WIPF2: variants seen among roughly 807,000 people sequenced by gnomAD.
WIPF2 encodes WAS/WASL interacting protein family member 2.
Under a neutral mutation model 38.8 loss-of-function variants are expected in WIPF2, and 23 were observed. That is an observed-to-expected ratio of 0.59 (90% CI 0.43 to 0.84). The LOEUF is 0.84. Among genes scored for constraint, WIPF2 ranks in the 40% least tolerant of loss-of-function variants. The probability of loss-of-function intolerance (pLI) is 0.00; values close to 1 mark genes in which losing one functional copy is unlikely to be tolerated. For synonymous variants in WIPF2, 210 were observed against 223.2 expected (o/e 0.94, Z 0.53); for missense variants, 574 against 580.5 (o/e 0.99, Z 0.11).
At chr17:40,224,503 C>T (rs1014608973) in intron 1 of WIPF2, among the ~76,000 whole-genome samples, 1 of 150,200 alleles carries the variant, frequency 6.7e-6, no homozygotes, top group African/African-American at 2.5e-5. Context: ...GCCTCGGCCT[C>T]CCAAAGTGCT....
intron 1 of WIPF2, among the ~76,000 whole-genome samples, chr17:40,230,849 A>T (rs2030710998): frequency 6.6e-6 from 1 of 152,212 alleles, no homozygotes; most frequent in African/African-American, 2.4e-5. Context: ...ACCGATGAAT[A>T]TACTGTCATA....
intron 1 of WIPF2, among the ~76,000 whole-genome samples, chr17:40,227,814 A>C (rs2030555248): frequency 6.6e-6 from 1 of 151,902 alleles, no homozygotes. Flanking sequence ...GTGCCACTGC[A>C]CTCCAGCCTG....
intron 3 of WIPF2, among the ~76,000 whole-genome samples, chr17:40,261,686 T>TG (rs796091572): frequency 0.012 from 1,765 of 148,902 alleles, 33 homozygotes; most frequent in African/African-American, 0.04. Flanking sequence ...TTTTTGGTTT[T>TG]TTTTGTTTTT....
At chr17:40,250,416 T>A (rs1300571301) in intron 1 of WIPF2, among the ~76,000 whole-genome samples, 1 of 139,596 alleles carries the variant, frequency 7.2e-6, no homozygotes, top group South Asian at 2.3e-4. Flanking sequence ...ATTTTTGTAT[T>A]TTTTTTTTTT....
intron 7 of WIPF2, among the ~76,000 whole-genome samples, 198 bp from the exon 8 acceptor site, chr17:40,277,987 A>G (rs1431616733): frequency 6.6e-6 from 1 of 152,072 alleles, no homozygotes; most frequent in Non-Finnish European, 1.5e-5. Context: ...CGGCCTCCCA[A>G]AGTGCTGGGA....
At chr17:40,251,037 C>T (rs2031546730) in intron 1 of WIPF2, among the ~76,000 whole-genome samples, 2 of 151,392 alleles carry the variant, frequency 1.3e-5, no homozygotes, top group Admixed American at 1.3e-4. Flanking sequence ...CCTCAGCCTC[C>T]CGAGTAGCTG....
intron 7 of WIPF2, 22 bp downstream of exon 7, chr17:40,277,206 T>C: frequency 3.6e-5 from 50 of 1,406,398 alleles, no homozygotes; most frequent in Non-Finnish European, 4.9e-5. Context: ...AATAAGAAGG[T>C]TTTTCCATAA....
At chr17:40,254,686 A>G (rs1261079543) in intron 1 of WIPF2, among the ~76,000 whole-genome samples, 1 of 151,976 alleles carries the variant, frequency 6.6e-6, no homozygotes, top group Non-Finnish European at 1.5e-5. Flanking sequence ...CATAAGTCAG[A>G]TCTGGTCTAC....
At chr17:40,277,301 C>G in intron 7 of WIPF2, 117 bp downstream of exon 7, 1 of 833,820 alleles carries the variant, frequency 1.2e-6, no homozygotes. Context: ...ATAATCCCAG[C>G]ACTTTGGGAG....
chr17:40,240,034 G>C (rs1265126094), intron 1 of WIPF2, among the ~76,000 whole-genome samples: 1 of 151,408 alleles, frequency 6.6e-6, no homozygotes, highest in Non-Finnish European at 1.5e-5. Flanking sequence ...AGCATGGGGA[G>C]GGATGGAGGA....
intron 1 of WIPF2, among the ~76,000 whole-genome samples, chr17:40,245,876 G>A (rs559472286): frequency 6.0e-4 from 91 of 152,286 alleles, no homozygotes; most frequent in African/African-American, 2.0e-3. Context: ...AAGTGGTTAA[G>A]TTGTGGATAC....
intron 1 of WIPF2, among the ~76,000 whole-genome samples, chr17:40,250,799 G>A (rs1455388376): frequency 6.6e-6 from 1 of 151,886 alleles, no homozygotes; most frequent in African/African-American, 2.4e-5. Context: ...GCACGTGGTG[G>A]TGCTCACTTG....
chr17:40,263,218 G>A (rs2031969534), intron 4 of WIPF2, among the ~76,000 whole-genome samples: 2 of 152,094 alleles, frequency 1.3e-5, no homozygotes, highest in Admixed American at 1.3e-4. Context: ...TGGTGGGCGG[G>A]GGATGGTTTC....
At chr17:40,242,923 G>A (rs373104757) in intron 1 of WIPF2, among the ~76,000 whole-genome samples, 15 of 152,274 alleles carry the variant, frequency 9.9e-5, no homozygotes, top group East Asian at 9.6e-4. Flanking sequence ...GGGGTTGGGC[G>A]TGAGGTCATT....
rs146326674 is a variant in WIPF2 at position 40,242,583 on chromosome 17, G to A, written c.-69-13808G>A. ...CCTGGCTAATTTTTTTGTATTTTTA[G>A]TACAGACGGGGTTTCACCATGTTGG... On this transcript the variant is annotated intron_variant, in intron 1 of 7. Coordinates refer to ENST00000323571, the MANE Select transcript of WIPF2 (RefSeq NM_133264.5). 5.1e-3 allele frequency among the ~76,000 whole-genome samples: 771 copies of A among 152,154 alleles called. 3 individuals are homozygous for A. Among genetic ancestry groups the A allele is most frequent in the Middle Eastern group, 0.01 (3 of 294 alleles).
intron 1 of WIPF2, among the ~76,000 whole-genome samples, chr17:40,243,141 T>C (rs972352867): frequency 3.3e-5 from 5 of 152,192 alleles, no homozygotes; most frequent in Middle Eastern, 3.2e-3. Context: ...TAACCCATAG[T>C]ATCTAATATT....
intron 4 of WIPF2, among the ~76,000 whole-genome samples, chr17:40,264,065 G>A (rs2031998040): frequency 1.3e-5 from 2 of 151,890 alleles, no homozygotes; most frequent in South Asian, 2.1e-4. Context: ...GGACGTGGTG[G>A]CTCACGCCTG....
In WIPF2 at chr17:40,278,281, T is replaced by C; in HGVS notation, c.*56T>C. ...GGATGGACCTTCTCTTCTTCTCAGA[T>C]GGTCCCTTCCATTCCCCTGAAACCT... On this transcript the variant is annotated 3_prime_UTR_variant, in exon 8 of 8. Transcript: ENST00000323571. 2 of 1,589,826 alleles carry C rather than the reference T, an allele frequency of 1.3e-6. No homozygotes were observed. Among genetic ancestry groups the C allele is most frequent in the East Asian group, 2.2e-5 (1 of 44,456 alleles).
rs2032591348 is a variant in WIPF2 at position 40,283,249 on chromosome 17, ATTATTAT to A, written c.*5027_*5033del. 1 of 124,764 alleles carries A rather than the reference ATTATTAT, an allele frequency of 8.0e-6. No individual in the cohort carries two copies. The highest frequency in any genetic ancestry group is 3.0e-5 in the African/African-American group (1 of 32,906). 7.7% of individuals were successfully genotyped at this position (124,764 alleles called of 1,614,324 possible). ...TTCTGATGGTCCTTATTTTATTATT[ATTATTAT>A]TTTTTTTTGAGACAGGATGTTGCTG... is the stretch of plus-strand genomic sequence containing the variant. On this transcript the variant is annotated 3_prime_UTR_variant, in exon 8 of 8. Transcript: ENST00000323571.
Sources: gnomAD v4.1 joint callset for allele counts (sites outside exome capture counted in the v4.1 genomes callset) on GRCh38, gnomAD v4.1.1 for gene constraint, MANE v1.5 for transcripts, NCBI Gene and HGNC (gene_info 2026-07-23, HGNC 2026-07-21) for gene names.